The following LRGUK variants were observed in gnomAD, a reference collection of about 807,000 sequenced individuals.
LRGUK encodes the protein leucine-rich repeat and guanylate kinase domain-containing protein.
LRGUK carries 65 observed loss-of-function variants against 76.0 expected under a neutral mutation model. That is an observed-to-expected ratio of 0.85 (90% CI 0.70 to 1.05). LRGUK has a LOEUF of 1.05. Ranked by LOEUF, LRGUK falls within the 50% of genes least tolerant of loss-of-function variation. The probability of loss-of-function intolerance (pLI) is 0.00; values close to 1 mark genes in which losing one functional copy is unlikely to be tolerated. For missense variants in LRGUK, 758 were observed against 732.8 expected, an observed-to-expected ratio of 1.03 and a Z score of -0.40; for synonymous variants, 268 against 265.6, an observed-to-expected ratio of 1.01 and a Z score of -0.09.
chr7:134,225,669 T>A (rs1358767090), intron 16 of LRGUK, among the ~76,000 whole-genome samples: 1 of 152,236 alleles, frequency 6.6e-6, no homozygotes, highest in East Asian at 1.9e-4. Context: ...TGTGGGTGAA[T>A]TCACCTAAGA....
chr7:134,224,403 T>A (rs550452233), intron 16 of LRGUK, among the ~76,000 whole-genome samples: 1 of 152,328 alleles, frequency 6.6e-6, no homozygotes, highest in Non-Finnish European at 1.5e-5. Flanking sequence ...TTAGGGATCA[T>A]GTCCTTTGCA....
chr7:134,140,314 T>C (rs1197049133), intron 3 of LRGUK, among the ~76,000 whole-genome samples: 2 of 152,206 alleles, frequency 1.3e-5, no homozygotes, highest in African/African-American at 2.4e-5. Flanking sequence ...ACCCTTATTA[T>C]TGAGCACCAG....
At chr7:134,251,285 A>G (rs80156012) in intron 18 of LRGUK, among the ~76,000 whole-genome samples, 1 of 152,204 alleles carries the variant, frequency 6.6e-6, no homozygotes, top group East Asian at 1.9e-4. Flanking sequence ...AGGCACACAC[A>G]TAGGGAGAAT....
At chr7:134,190,186 C>G (rs1356152267) in intron 11 of LRGUK, among the ~76,000 whole-genome samples, 1 of 152,104 alleles carries the variant, frequency 6.6e-6, no homozygotes, top group African/African-American at 2.4e-5. Flanking sequence ...AAGTGTCTAG[C>G]TAGTCTCATC....
At chr7:134,270,639 G>A in the LRGUK span, among the ~76,000 whole-genome samples, 2 of 152,002 alleles carry the variant, frequency 1.3e-5, no homozygotes, top group Admixed American at 6.6e-5. Context: ...TATATTACAT[G>A]TATTCAGCAA....
intron 1 of LRGUK, among the ~76,000 whole-genome samples, chr7:134,135,127 A>G (rs182325154): frequency 1.1e-4 from 16 of 152,328 alleles, no homozygotes; most frequent in Admixed American, 9.1e-4. Flanking sequence ...TGAATAATCA[A>G]AAAAGCAGTG....
downstream of LRGUK, among the ~76,000 whole-genome samples, chr7:134,211,713 T>G (rs2117130118): frequency 6.6e-6 from 1 of 152,338 alleles, no homozygotes; most frequent in Admixed American, 6.5e-5. Flanking sequence ...ATTAAAAGAA[T>G]TAATGGGGAG....
chr7:134,205,019 G>A (rs1287061915), intron 15 of LRGUK, among the ~76,000 whole-genome samples: 1 of 152,222 alleles, frequency 6.6e-6, no homozygotes, highest in Non-Finnish European at 1.5e-5. Context: ...GTAAGTGGTA[G>A]CAAGGTTTAG....
At chr7:134,158,198 G>A in intron 6 of LRGUK, 39 bp downstream of exon 6, 5 of 1,567,874 alleles carry the variant, frequency 3.2e-6, no homozygotes, top group Non-Finnish European at 4.4e-6. Flanking sequence ...AGAAGTAGTA[G>A]TTAATGCTTT....
chr7:134,177,902 A>G lies in LRGUK; in HGVS notation c.1108-601A>G, dbSNP rs998029733. Among the ~76,000 whole-genome samples the G allele has an allele frequency of 4.5e-4, 69 of 152,234 alleles. 3 individuals are homozygous for G. Among genetic ancestry groups the G allele is most frequent in the Non-Finnish European group, 2.2e-4 (15 of 68,044 alleles). On this transcript the variant is annotated intron_variant, in intron 9 of 15. Coordinates refer to ENST00000645682, the Ensembl canonical transcript of LRGUK. ...CATGTATTAAGTAAAGATATGGCAT[A>G]TGATAGATGAGGATAATGTATTTAG...
chr7:134,178,608 AG>A lies in LRGUK; in HGVS notation c.1214+1del. 6.2e-7 allele frequency: 1 copy of A among 1,610,572 alleles called. No homozygotes were observed. Among genetic ancestry groups the A allele is most frequent in the Non-Finnish European group, 8.5e-7 (1 of 1,178,330 alleles). On this transcript the variant is annotated frameshift_variant and splice_region_variant, in exon 10 of 16. Transcript: ENST00000645682. LOFTEE classifies it high-confidence loss of function. The stretch of plus-strand genomic sequence containing the variant: ...GATGCAGCCGCAGAGGATCTTTGAC[AG>A]GTACTTATTAGAAATCCAAAGGCCG...
chr7:134,241,967 A>G (rs993383058), intron 16 of LRGUK, among the ~76,000 whole-genome samples: 2 of 152,260 alleles, frequency 1.3e-5, no homozygotes, highest in African/African-American at 4.8e-5. Flanking sequence ...TGGGTACATA[A>G]TAAAATGAAG....
chr7:134,169,593 A>G (rs1052793895), intron 7 of LRGUK, among the ~76,000 whole-genome samples: 1 of 151,978 alleles, frequency 6.6e-6, no homozygotes, highest in African/African-American at 2.4e-5. Context: ...ATTCTTATAT[A>G]TTTTCTTATA....
intron 1 of LRGUK, among the ~76,000 whole-genome samples, chr7:134,135,707 G>A (rs1797496231): frequency 6.6e-6 from 1 of 152,326 alleles, no homozygotes; most frequent in Non-Finnish European, 1.5e-5. Context: ...CCAGGCTGGA[G>A]TGTGGTGGCA....
At chr7:134,199,985 TATATATA>T (rs1563178659) in intron 14 of LRGUK, among the ~76,000 whole-genome samples, 3 of 14,204 alleles carry the variant, frequency 2.1e-4, no homozygotes, top group African/African-American at 7.7e-4. Flanking sequence ...GAAACTTTTA[TATATATA>T]TATATATATA....
chr7:134,268,924 G>A (rs147498467), downstream of LRGUK, among the ~76,000 whole-genome samples: 296 of 151,292 alleles, frequency 2.0e-3, 8 homozygotes, highest in East Asian at 0.055. Flanking sequence ...GTAGAGACAG[G>A]GTTTCACCGT....
intron 18 of LRGUK, among the ~76,000 whole-genome samples, chr7:134,253,040 C>T (rs552013893): frequency 6.6e-5 from 10 of 152,260 alleles, no homozygotes; most frequent in African/African-American, 4.8e-5. Flanking sequence ...TTGCCAGGTA[C>T]GAATCTAAGT....
At position 134,138,205 on chromosome 7, in the gene LRGUK, A is replaced by C. The variant is rs542832016; in HGVS notation, c.405+1075A>C. On this transcript the variant is annotated intron_variant, in intron 2 of 15. Transcript: ENST00000645682. ...ACAAGCCCCTTTCAATCAATATTCT[A>C]CTTCTGTAGGTAGTGCTATGCCTTA... is the stretch of plus-strand genomic sequence containing the variant. 1.4e-4 allele frequency among the ~76,000 whole-genome samples: 22 copies of C among 152,260 alleles called. No individual in the cohort carries two copies. In the South Asian group the frequency reaches 4.4e-3, roughly 30 times the overall value.
intron 16 of LRGUK, among the ~76,000 whole-genome samples, chr7:134,229,480 C>G (rs994830139): frequency 2.6e-5 from 4 of 152,004 alleles, no homozygotes; most frequent in Non-Finnish European, 5.9e-5. Context: ...TATAATGCCT[C>G]TATTCAGAAA....
Sources: gnomAD v4.1 joint callset for allele counts (sites outside exome capture counted in the v4.1 genomes callset) on GRCh38, gnomAD v4.1.1 for gene constraint, MANE v1.5 for transcripts, NCBI Gene and HGNC (gene_info 2026-07-23, HGNC 2026-07-21) for gene names.